TEKT5: variants seen among roughly 807,000 people sequenced by gnomAD.
The protein encoded by TEKT5 is tektin 5.
In TEKT5, 52 loss-of-function variants were observed where a neutral mutation model predicts 48.7. That is an observed-to-expected ratio of 1.07 (90% CI 0.86 to 1.35). The LOEUF is 1.35. Among genes scored for constraint, TEKT5 ranks in the 40% most tolerant of loss-of-function variants. The pLI is 0.00. For missense variants in TEKT5, 831 were observed against 641.6 expected (o/e 1.30, Z -3.19); for synonymous variants, 318 against 267.6 (o/e 1.19, Z -1.84).
intron 5 of TEKT5, among the ~76,000 whole-genome samples, chr16:10,650,262 G>A (rs1187131142): frequency 4.0e-5 from 6 of 151,690 alleles, no homozygotes; most frequent in Admixed American, 2.0e-4. Flanking sequence ...GACAAGGCCC[G>A]GCTGATTTTT....
intron 5 of TEKT5, among the ~76,000 whole-genome samples, chr16:10,655,225 T>C (rs1436628164): frequency 2.0e-5 from 3 of 152,084 alleles, no homozygotes; most frequent in Non-Finnish European, 4.4e-5. Flanking sequence ...ATAAACAATG[T>C]TGCCTTTACA....
At chr16:10,656,054 T>C (rs909835919) in intron 5 of TEKT5, among the ~76,000 whole-genome samples, 2 of 152,180 alleles carry the variant, frequency 1.3e-5, no homozygotes, top group Non-Finnish European at 2.9e-5. Context: ...GACATTTTGA[T>C]AGACTCTTTG....
intron 5 of TEKT5, among the ~76,000 whole-genome samples, chr16:10,668,810 C>T (rs1898502234): frequency 6.6e-6 from 1 of 152,176 alleles, no homozygotes; most frequent in Admixed American, 6.5e-5. Flanking sequence ...GTCTGAGTTT[C>T]CTCTGATATA....
chr16:10,646,068 C>T (rs1475737638), intron 5 of TEKT5, among the ~76,000 whole-genome samples: 3 of 151,662 alleles, frequency 2.0e-5, no homozygotes, highest in East Asian at 1.9e-4. Context: ...AGGTCGAGGT[C>T]GCACTCAGCT....
chr16:10,674,651 A>G (rs1898613026), intron 5 of TEKT5, among the ~76,000 whole-genome samples: 2 of 149,372 alleles, frequency 1.3e-5, no homozygotes, highest in Middle Eastern at 3.5e-3. Flanking sequence ...ACAGAGAGAG[A>G]AGAAAAGAAA....
intron 5 of TEKT5, among the ~76,000 whole-genome samples, chr16:10,643,587 G>A (rs577937211): frequency 3.3e-5 from 5 of 152,246 alleles, no homozygotes; most frequent in South Asian, 4.1e-4. Context: ...GAGATGAGCC[G>A]TAAGTAAGCA....
intron 3 of TEKT5, among the ~76,000 whole-genome samples, chr16:10,687,279 G>A (rs1180656971): frequency 6.6e-6 from 1 of 152,146 alleles, no homozygotes. Context: ...TTAGTTCAAT[G>A]TTTTGAAATA....
rs538691692 is a variant in TEKT5 at position 10,690,473 on chromosome 16, C to T, written c.565-448G>A. On this transcript the variant is annotated intron_variant, in intron 1 of 6. Coordinates refer to ENST00000283025, the MANE Select transcript of TEKT5 (RefSeq NM_144674.2). ...GTGTGCATTTGGGCAAACTGCTTAACCTCTCTGCTGGTTTCCTCCTCTGCA... is the reference window on the plus strand; with the variant it reads ...GTGTGCATTTGGGCAAACTGCTTAATCTCTCTGCTGGTTTCCTCCTCTGCA... The T allele has an allele frequency of 1.1e-5, 8 of 753,226 alleles. 1 individual carries two copies. In the South Asian group the frequency reaches 3.6e-4, roughly 33 times the overall value. The allele number at this position is 753,226 out of a possible 1,614,324, so 46.7% of individuals were successfully genotyped here.
intron 5 of TEKT5, among the ~76,000 whole-genome samples, chr16:10,639,089 G>C (rs776693844): frequency 4.6e-5 from 7 of 152,160 alleles, no homozygotes; most frequent in Non-Finnish European, 8.8e-5. Context: ...GGAATCACTT[G>C]AGCCCAGGAG....
intron 6 of TEKT5, among the ~76,000 whole-genome samples, chr16:10,628,797 T>G (rs924533773): frequency 9.9e-5 from 15 of 150,770 alleles, no homozygotes; most frequent in African/African-American, 3.4e-4. Context: ...TCCCAGCTAC[T>G]CGAGAGGCTG....
At chr16:10,664,636 G>T (rs773339930) in intron 5 of TEKT5, among the ~76,000 whole-genome samples, 7 of 152,242 alleles carry the variant, frequency 4.6e-5, no homozygotes, top group Admixed American at 4.6e-4. Flanking sequence ...CAATTCCAAT[G>T]TGGCACTAAG....
chr16:10,649,113 CTATT>C (rs987680660), intron 5 of TEKT5, among the ~76,000 whole-genome samples: 4 of 141,474 alleles, frequency 2.8e-5, no homozygotes, highest in African/African-American at 1.1e-4. Flanking sequence ...CCATACCTGG[CTATT>C]TATTTTTATT....
chr16:10,636,991 T>G (rs987996280), intron 5 of TEKT5, among the ~76,000 whole-genome samples: 1 of 149,188 alleles, frequency 6.7e-6, no homozygotes, highest in Admixed American at 6.7e-5. Context: ...TGATTTTTTT[T>G]TTTTTTTTTT....
chr16:10,667,438 C>T (rs562801224), intron 5 of TEKT5, among the ~76,000 whole-genome samples: 3 of 151,708 alleles, frequency 2.0e-5, no homozygotes, highest in Admixed American at 2.0e-4. Context: ...ATAAGGCAAA[C>T]AAACAATGAG....
chr16:10,687,621 C>T (rs974712094), intron 3 of TEKT5, among the ~76,000 whole-genome samples: 6 of 151,818 alleles, frequency 4.0e-5, no homozygotes, highest in African/African-American at 1.4e-4. Context: ...AGTGTGGTGG[C>T]ATGGGCCTGT....
At chr16:10,640,599 T>C (rs2142263874) in intron 5 of TEKT5, among the ~76,000 whole-genome samples, 1 of 152,292 alleles carries the variant, frequency 6.6e-6, no homozygotes. Flanking sequence ...AAGGTTTCTG[T>C]ATACCGCTTT....
At chr16:10,657,867 C>T (rs921539185) in intron 5 of TEKT5, among the ~76,000 whole-genome samples, 4 of 151,518 alleles carry the variant, frequency 2.6e-5, no homozygotes, top group East Asian at 1.9e-4. Context: ...CCCAAAGTGC[C>T]GGGATTACAG....
At chr16:10,682,330 C>CTT (rs34813327) in intron 3 of TEKT5, among the ~76,000 whole-genome samples, 194 bp from the exon 4 acceptor site, 12 of 149,102 alleles carry the variant, frequency 8.0e-5, no homozygotes, top group African/African-American at 1.7e-4. Flanking sequence ...GTCCTTTATT[C>CTT]TTTTTTTTTT....
At chr16:10,682,965 T>A (rs183207859) in intron 3 of TEKT5, among the ~76,000 whole-genome samples, 56 of 152,270 alleles carry the variant, frequency 3.7e-4, no homozygotes, top group African/African-American at 1.3e-3. Flanking sequence ...GAGACGCAAA[T>A]AAGACGACCC....
Sources: allele counts gnomAD v4.1 joint callset (sites outside exome capture counted in the v4.1 genomes callset), GRCh38; gene constraint gnomAD v4.1.1; transcripts MANE v1.5; gene names NCBI Gene and HGNC (gene_info 2026-07-23, HGNC 2026-07-21).